The following GARNL3 variants were observed in gnomAD, a reference collection of about 807,000 sequenced individuals.
GARNL3 encodes the protein GTPase activating Rap/RanGAP domain like 3.
GARNL3 carries 63 observed loss-of-function variants against 125.0 expected under a neutral mutation model. That is an observed-to-expected ratio of 0.50 (90% confidence interval 0.41 to 0.62). GARNL3 has a LOEUF of 0.62. Among genes scored for constraint, GARNL3 ranks in the 20% least tolerant of loss-of-function variants. The probability of loss-of-function intolerance (pLI) is 0.00; values close to 1 mark genes in which losing one functional copy is unlikely to be tolerated. For missense variants in GARNL3, 994 were observed against 1,244.0 expected (o/e 0.80, Z 3.02); for synonymous variants, 439 against 457.5 (o/e 0.96, Z 0.52).
intron 1 of GARNL3, among the ~76,000 whole-genome samples, chr9:127,231,391 A>G (rs954279170): frequency 6.6e-6 from 1 of 151,764 alleles, no homozygotes; most frequent in African/African-American, 2.4e-5. Flanking sequence ...ATATTTTAAG[A>G]CATATATCTG....
intron 9 of GARNL3, among the ~76,000 whole-genome samples, chr9:127,334,492 T>G (rs904361485): frequency 2.8e-4 from 42 of 152,150 alleles, no homozygotes; most frequent in African/African-American, 1.0e-3. Flanking sequence ...GGATAGGGGA[T>G]TGGGCCCCAG....
At chr9:127,370,309 C>T (rs1282902943) in intron 22 of GARNL3, among the ~76,000 whole-genome samples, 1 of 152,138 alleles carries the variant, frequency 6.6e-6, no homozygotes, top group Non-Finnish European at 1.5e-5. Flanking sequence ...ACCTCTCTCT[C>T]CCACGGAAGT....
chr9:127,268,801 T>C (rs760483515), intron 1 of GARNL3, among the ~76,000 whole-genome samples: 10 of 152,238 alleles, frequency 6.6e-5, no homozygotes, highest in Non-Finnish European at 1.5e-4. Flanking sequence ...TCTGTCTCTA[T>C]GAATTTGCCT....
intron 3 of GARNL3, among the ~76,000 whole-genome samples, chr9:127,312,228 G>C (rs2065117001): frequency 6.6e-6 from 1 of 152,176 alleles, no homozygotes; most frequent in Non-Finnish European, 1.5e-5. Flanking sequence ...CTACATGCCA[G>C]GCAATGTGCA....
intron 16 of GARNL3, among the ~76,000 whole-genome samples, 187 bp downstream of exon 16, chr9:127,345,664 C>A (rs2131624364): frequency 6.6e-6 from 1 of 152,332 alleles, no homozygotes; most frequent in African/African-American, 2.4e-5. Context: ...CCATGGTATG[C>A]ACATGCCTTC....
chr9:127,296,401 A>G (rs2064590948), intron 2 of GARNL3, among the ~76,000 whole-genome samples: 1 of 151,192 alleles, frequency 6.6e-6, no homozygotes, highest in Non-Finnish European at 1.5e-5. Flanking sequence ...GTTCCCCAAC[A>G]TGGAAGCTCC....
At chr9:127,322,875 A>G (rs2065445260) in intron 6 of GARNL3, among the ~76,000 whole-genome samples, 1 of 152,174 alleles carries the variant, frequency 6.6e-6, no homozygotes, top group South Asian at 2.1e-4. Flanking sequence ...TCCAGAAGCA[A>G]TGTGTGATTA....
Position 127,393,204 on chromosome 9 carries a change from C to T in GARNL3, c.2992C>T (p.Pro998Ser), listed in dbSNP as rs930374230. The T allele has an allele frequency of 1.9e-6, 3 of 1,613,584 alleles. No homozygotes were observed. The highest frequency in any genetic ancestry group is 1.6e-4 in the Middle Eastern group (1 of 6,084). The change falls in exon 28 of 28, where the codon CCC becomes TCC. Residue 998 changes from proline (P) to serine (S), a missense_variant. Physicochemically the swap from Pro to Ser is moderately conservative, Grantham distance 74. Around this residue, in one of 5 missense-constraint regions of GARNL3, gnomAD observed 728 missense variants for 865.7 expected, o/e 0.84. Transcript: ENST00000373387. The part of the protein sequence containing the change: ...REGSPVSGSS[P>S]FQLTAFSDED... ...GGGCAGCCCGGTCTCCGGCAGCAGC[C>T]CCTTCCAGCTCACGGCTTTCTCCGA...
At chr9:127,241,820 T>TG (rs2063210147) in intron 1 of GARNL3, among the ~76,000 whole-genome samples, 1 of 152,174 alleles carries the variant, frequency 6.6e-6, no homozygotes, top group South Asian at 2.1e-4. Flanking sequence ...CAGGCTGAAG[T>TG]GCAGTGGTGC....
intron 7 of GARNL3, among the ~76,000 whole-genome samples, chr9:127,330,588 G>A (rs1024876771): frequency 2.0e-5 from 3 of 152,176 alleles, no homozygotes; most frequent in Non-Finnish European, 2.9e-5. Context: ...AGGTTCTAGT[G>A]GTAGAAACAG....
chr9:127,348,351 C>A (rs1407604061), intron 16 of GARNL3, among the ~76,000 whole-genome samples: 4 of 152,172 alleles, frequency 2.6e-5, no homozygotes, highest in African/African-American at 4.8e-5. Flanking sequence ...ATATGTCATG[C>A]GGAAACCTGA....
intron 1 of GARNL3, 117 bp downstream of exon 1, chr9:127,265,138 G>A (rs2063675785): frequency 1.4e-6 from 1 of 740,364 alleles, no homozygotes. Context: ...TACAGTGTAA[G>A]GATTGGATTG....
intron 21 of GARNL3, chr9:127,363,355 T>G (rs1200408472): frequency 6.6e-6 from 1 of 152,304 alleles, no homozygotes; most frequent in Non-Finnish European, 1.5e-5. Flanking sequence ...TGTACTTATG[T>G]GCTTTTCTGG....
Position 127,353,885 on chromosome 9 carries a change from C to A in GARNL3, c.1583C>A (p.Pro528Gln), listed in dbSNP as rs745733291. ...PSVPVFDRTLPVKQMHVLETL... is the reference protein window; with the variant it reads ...PSVPVFDRTLQVKQMHVLETL... ...GTGCCCGTGTTTGACAGAACTCTGC[C>A]AGTGAAGCAAATGCATGTGCTTGAG... is the stretch of plus-strand genomic sequence containing the variant. Residue 528 changes from proline to glutamine, a missense_variant, in exon 18 of 28, where the codon CCA becomes CAA. Physicochemically the swap from Pro to Gln is moderately conservative, Grantham distance 76. Transcript: ENST00000373387. 6 of 1,613,918 alleles carry A rather than the reference C, an allele frequency of 3.7e-6. No individual in the cohort carries two copies. The highest frequency in any genetic ancestry group is 5.1e-6 in the Non-Finnish European group (6 of 1,179,830).
intron 5 of GARNL3, among the ~76,000 whole-genome samples, chr9:127,318,685 C>A (rs1347551242): frequency 2.0e-5 from 3 of 152,024 alleles, no homozygotes; most frequent in African/African-American, 7.2e-5. Context: ...CCTCTCATCT[C>A]TCTCCCATGC....
At chr9:127,245,021 C>T (rs996690502) in intron 2 of GARNL3, among the ~76,000 whole-genome samples, 16 of 152,174 alleles carry the variant, frequency 1.1e-4, no homozygotes, top group African/African-American at 3.1e-4. Context: ...GGCGTCAGTT[C>T]CAAAGGTGGG....
At chr9:127,324,663 G>A (rs534770222) in intron 6 of GARNL3, among the ~76,000 whole-genome samples, 1 of 152,376 alleles carries the variant, frequency 6.6e-6, no homozygotes, top group Non-Finnish European at 1.5e-5. Flanking sequence ...GAAAAGGAAA[G>A]TAATTTAAGT....
At chr9:127,337,509 G>A (rs1344588844) in intron 11 of GARNL3, among the ~76,000 whole-genome samples, 1 of 152,126 alleles carries the variant, frequency 6.6e-6, no homozygotes, top group Non-Finnish European at 1.5e-5. Flanking sequence ...GTTGGGAGAT[G>A]GTGGGTGGAG....
At chr9:127,319,541 C>T (rs1218444052) in intron 5 of GARNL3, among the ~76,000 whole-genome samples, 1 of 151,910 alleles carries the variant, frequency 6.6e-6, no homozygotes, top group African/African-American at 2.4e-5. Context: ...ATCCCACTTT[C>T]AAGCTTAGTT....
Sources: gnomAD v4.1 joint callset for allele counts (sites outside exome capture counted in the v4.1 genomes callset) on GRCh38, gnomAD v4.1.1 for gene constraint, gnomAD v4.1.1 regional missense constraint, MANE v1.5 for transcripts, NCBI Gene and HGNC (gene_info 2026-07-23, HGNC 2026-07-21) for gene names.